DNAJC21: variants seen among roughly 807,000 people sequenced by gnomAD.
The protein encoded by DNAJC21 is dnaJ homolog subfamily C member 21.
In DNAJC21, 63 loss-of-function variants were observed where a neutral mutation model predicts 72.4. The ratio of observed to expected loss-of-function variants is 0.87; its 90% CI spans 0.71 to 1.07. DNAJC21 has a LOEUF of 1.07. Ranked by LOEUF, DNAJC21 falls within the 50% of genes least tolerant of loss-of-function variation. The probability of loss-of-function intolerance (pLI) is 0.00; values close to 1 mark genes in which losing one functional copy is unlikely to be tolerated. For missense variants in DNAJC21, 634 were observed against 644.8 expected (o/e 0.98, Z 0.18); for synonymous variants, 203 against 216.7 (o/e 0.94, Z 0.56).
At position 34,929,931 on chromosome 5, in the gene DNAJC21, C is replaced by G. The variant is rs1438878473; in HGVS notation, c.97+15C>G. The G allele has an allele frequency of 9.0e-6, 14 of 1,548,880 alleles. No homozygotes were observed. Among genetic ancestry groups the G allele is most frequent in the Non-Finnish European group, 1.1e-5 (13 of 1,144,700 alleles). ...ATGGCACCCGGGTAAGTACCTGTCC[C>G]GCAGCCCCCGCGGCCACTCGGAGAA... On this transcript the variant is annotated intron_variant, in intron 1 of 11. Transcript: ENST00000648817.
intron 2 of DNAJC21, among the ~76,000 whole-genome samples, chr5:34,934,394 A>ATT (rs375582769): frequency 7.4e-5 from 10 of 134,516 alleles, no homozygotes; most frequent in Non-Finnish European, 1.1e-4. Flanking sequence ...ACACACCTGT[A>ATT]TTTTTTTTTT....
In DNAJC21 at chr5:34,950,237, A is replaced by G. The variant is rs753276671; in HGVS notation, c.1253A>G (p.Asn418Ser). 5.6e-6 allele frequency: 9 copies of G among 1,613,894 alleles called. No individual in the cohort carries two copies. The highest frequency in any genetic ancestry group is 7.6e-6 in the Non-Finnish European group (9 of 1,179,906). Residue 418 changes from asparagine to serine, a missense_variant, in exon 10 of 12, where the codon AAC (asparagine) becomes AGC (serine). Physicochemically the swap from Asn to Ser is conservative, Grantham distance 46. Coordinates refer to ENST00000648817, the MANE Select transcript of DNAJC21 (RefSeq NM_001012339.3). ...GTAAAGGTTGATCCAGAAGATACTA[A>G]CTTAAATCAAGACAGTGCCAAAGAA... ...EGVKVDPEDT[N>S]LNQDSAKELE... is the part of the protein sequence containing the mutation.
chr5:34,931,210 GTTAC>G (rs1561179105), intron 1 of DNAJC21, among the ~76,000 whole-genome samples: 1 of 152,132 alleles, frequency 6.6e-6, no homozygotes, highest in African/African-American at 2.4e-5. Context: ...GTGTGGGTCT[GTTAC>G]TTAAAGTTAT....
intron 7 of DNAJC21, among the ~76,000 whole-genome samples, chr5:34,944,351 C>G (rs1765100457): frequency 6.6e-6 from 1 of 152,214 alleles, no homozygotes; most frequent in Non-Finnish European, 1.5e-5. Flanking sequence ...CACCATTTCT[C>G]TAGTCCAGGG....
chr5:34,944,548 C>T (rs1270414110), intron 7 of DNAJC21, among the ~76,000 whole-genome samples: 8 of 151,912 alleles, frequency 5.3e-5, no homozygotes, highest in African/African-American at 1.5e-4. Flanking sequence ...CCTCCCCCTG[C>T]CGACATTCCC....
chr5:34,943,148 T>C (rs573737948), intron 7 of DNAJC21, among the ~76,000 whole-genome samples: 253 of 152,334 alleles, frequency 1.7e-3, no homozygotes, highest in African/African-American at 5.8e-3. Context: ...TTAACATTGA[T>C]ATGGTATTTT....
At position 34,954,678 on chromosome 5, in the gene DNAJC21, TA is replaced by T. The variant is rs1203284303; in HGVS notation, c.1561del (p.Ser521ValfsTer20). 2.5e-6 allele frequency: 4 copies of T among 1,610,876 alleles called. No individual in the cohort carries two copies. In the African/African-American group the frequency reaches 5.4e-5, roughly 22 times the overall value. On this transcript the variant is annotated frameshift_variant, in exon 12 of 12. Transcript: ENST00000648817. LOFTEE classifies it high-confidence loss of function. ...SSSSLNSATS[S>X]QSKKEKRKNR Reference sequence around the variant, plus strand: ...CATCGTCTTTAAACAGCGCAACAAGTAGTCAAAGCAAGAAAGAGAAACGTAA... The same window carrying T: ...CATCGTCTTTAAACAGCGCAACAAGTGTCAAAGCAAGAAAGAGAAACGTAA...
intron 7 of DNAJC21, among the ~76,000 whole-genome samples, 164 bp from the exon 8 acceptor site, chr5:34,944,703 A>G (rs190515112): frequency 5.1e-4 from 78 of 152,284 alleles, no homozygotes; most frequent in Non-Finnish European, 8.8e-4. Context: ...TTCTCTGTAT[A>G]AAATCATGAA....
rs200874299 is a variant in DNAJC21, at chr5:34,945,087, G to GT, written c.1142+70dup. 557 of 1,570,276 alleles carry GT rather than the reference G, an allele frequency of 3.5e-4. 4 individuals carry two copies. The African/African-American group carries it at 5.9e-3, about 17-fold the overall frequency. The stretch of plus-strand genomic sequence containing the variant: ...TCACATTCAGAGATTGCATTAAAAG[G>GT]TTTTTTTTGAGATGGAGAATCACTC... On this transcript the variant is annotated intron_variant, in intron 8 of 11. Transcript: ENST00000648817.
At chr5:34,950,122 A>G in intron 9 of DNAJC21, 48 bp from the exon 10 acceptor site, 1 of 1,531,126 alleles carries the variant, frequency 6.5e-7, no homozygotes, top group South Asian at 1.3e-5. Flanking sequence ...AAAAGCTAGT[A>G]GTAGTATTAT....
At chr5:34,946,009 G>A (rs1178900018) in intron 9 of DNAJC21, among the ~76,000 whole-genome samples, 1 of 151,850 alleles carries the variant, frequency 6.6e-6, no homozygotes, top group East Asian at 1.9e-4. Context: ...ACTTAATTAT[G>A]ACTGCCAGTG....
chr5:34,954,665 A>G lies in DNAJC21; in HGVS notation c.1547A>G (p.Asn516Ser), dbSNP rs35999194. 0.015 allele frequency: 23,533 copies of G among 1,613,132 alleles called. 209 individuals are homozygous for G. The highest frequency in any genetic ancestry group is 0.018 in the Non-Finnish European group (20,658 of 1,179,644). The change falls in exon 12 of 12, where the codon AAC becomes AGC. Residue 516 changes from asparagine (N) to serine (S), a missense_variant. Coordinates refer to ENST00000648817, the MANE Select transcript of DNAJC21 (RefSeq NM_001012339.3). ...AGAGCACCTTCATCATCGTCTTTAA[A>G]CAGCGCAACAAGTAGTCAAAGCAAG... ...HARAPSSSSL[N>S]SATSSQSKKE... is the part of the protein sequence containing the mutation.
intron 7 of DNAJC21, among the ~76,000 whole-genome samples, chr5:34,943,321 A>T (rs975907749): frequency 6.6e-6 from 1 of 152,186 alleles, no homozygotes; most frequent in African/African-American, 2.4e-5. Context: ...CTTTTTTCAT[A>T]GAATTCTTCT....
Position 34,955,393 on chromosome 5 carries a change from T to G in DNAJC21, c.*679T>G, listed in dbSNP as rs1234411318. ...TTGAATTGTGGAGGTGGAAGCAAAT[T>G]AGTTTACATGGCATGTCCTCCCTAG... is the stretch of plus-strand genomic sequence containing the variant. On this transcript the variant is annotated 3_prime_UTR_variant, in exon 12 of 12. Transcript: ENST00000648817. 1 of 152,238 alleles carries G rather than the reference T, an allele frequency of 6.6e-6. No individual in the cohort carries two copies. Among genetic ancestry groups the G allele is most frequent in the East Asian group, 1.9e-4 (1 of 5,208 alleles). 9.4% of individuals were successfully genotyped at this position (152,238 alleles called of 1,614,324 possible). A position where few individuals can be genotyped will look rare whatever the true frequency, so the allele number is the denominator to read the frequency against.
At chr5:34,953,654 A>G in intron 10 of DNAJC21, 1 of 329,914 alleles carries the variant, frequency 3.0e-6, no homozygotes. Flanking sequence ...AAACATTCAG[A>G]GATATTTTAA....
intron 10 of DNAJC21, chr5:34,951,821 G>T: frequency 1.0e-6 from 1 of 985,566 alleles, no homozygotes; most frequent in Non-Finnish European, 1.2e-6. Context: ...ACCGTGTCTG[G>T]CCTCCATGTT....
intron 6 of DNAJC21, among the ~76,000 whole-genome samples, chr5:34,939,261 A>G (rs1337388490): frequency 1.4e-5 from 2 of 144,538 alleles, no homozygotes; most frequent in Non-Finnish European, 3.1e-5. Flanking sequence ...AAGTGTGACT[A>G]TTTTTTTTTT....
chr5:34,935,665 C>A (rs1216915961), intron 2 of DNAJC21, 45 bp from the exon 3 acceptor site: 6 of 1,607,162 alleles, frequency 3.7e-6, no homozygotes, highest in Non-Finnish European at 5.1e-6. Flanking sequence ...CTTTTGAATT[C>A]TTACTTATTC....
chr5:34,950,727 C>A, intron 10 of DNAJC21: 1 of 992,928 alleles, frequency 1.0e-6, no homozygotes, highest in Non-Finnish European at 1.2e-6. Flanking sequence ...ACGACAGCAG[C>A]CTGTGTTGGG....
Sources: gnomAD v4.1 joint callset for allele counts (sites outside exome capture counted in the v4.1 genomes callset) on GRCh38, gnomAD v4.1.1 for gene constraint, MANE v1.5 for transcripts, NCBI Gene and HGNC (gene_info 2026-07-23, HGNC 2026-07-21) for gene names.